The following NRXN1 variants were observed in gnomAD, a reference collection of about 807,000 sequenced individuals.
The protein encoded by NRXN1 is neurexin 1.
NRXN1 carries 39 observed loss-of-function variants against 150.9 expected under a neutral mutation model. The observed-to-expected ratio is 0.26, with a 90% CI of 0.20 to 0.34. NRXN1 has a LOEUF of 0.34. Ranked by LOEUF, NRXN1 falls within the 10% of genes least tolerant of loss-of-function variation. NRXN1 has a pLI of 1.00. For missense variants in NRXN1, 1,815 were observed against 1,949.9 expected (o/e 0.93, Z 1.30); for synonymous variants, 924 against 757.0 (o/e 1.22, Z -3.62).
intron 16 of NRXN1, among the ~76,000 whole-genome samples, chr2:50,469,092 A>C (rs770176693): frequency 2.6e-5 from 4 of 151,632 alleles, no homozygotes; most frequent in Non-Finnish European, 5.9e-5. Context: ...TCTCCAGTAT[A>C]ACAGCATCAG....
intron 17 of NRXN1, among the ~76,000 whole-genome samples, chr2:50,305,286 A>G (rs539475454): frequency 6.6e-6 from 1 of 152,310 alleles, no homozygotes; most frequent in African/African-American, 2.4e-5. Context: ...TTATCCCCGT[A>G]AGGTTTAACC....
At chr2:50,828,839 G>C (rs1186309244) in intron 5 of NRXN1, among the ~76,000 whole-genome samples, 1 of 152,210 alleles carries the variant, frequency 6.6e-6, no homozygotes, top group Non-Finnish European at 1.5e-5. Context: ...CGGCCAGGCA[G>C]AGGCTGCACT....
At chr2:50,202,235 G>A (rs1002431216) in intron 18 of NRXN1, among the ~76,000 whole-genome samples, 14 of 152,272 alleles carry the variant, frequency 9.2e-5, no homozygotes, top group South Asian at 2.1e-4. Flanking sequence ...GGCTGGGCGC[G>A]GTGGCTCACG....
Position 50,777,163 on chromosome 2 carries a change from C to T in NRXN1, c.832+144706G>A, listed in dbSNP as rs1437212742. On this transcript the variant is annotated intron_variant, in intron 5 of 22. Transcript: ENST00000401669. ...TTTTTTAAGTACAGAGAGTAGAAAC[C>T]GAGCTAGTCTTACTAGATTTTATAT... Among the ~76,000 whole-genome samples, 8 of 151,852 alleles carry T rather than the reference C, an allele frequency of 5.3e-5. No homozygotes were observed. The South Asian group carries it at 6.2e-4, about 12-fold the overall frequency.
At chr2:50,791,578 C>T (rs766646904) in intron 5 of NRXN1, among the ~76,000 whole-genome samples, 1 of 152,078 alleles carries the variant, frequency 6.6e-6, no homozygotes, top group South Asian at 2.1e-4. Context: ...TTGCCAAATG[C>T]ACACTGGAGA....
At chr2:50,110,751 C>A (rs2152724612) in intron 18 of NRXN1, among the ~76,000 whole-genome samples, 1 of 152,148 alleles carries the variant, frequency 6.6e-6, no homozygotes, top group East Asian at 1.9e-4. Context: ...AAATAGAATT[C>A]AACAACAGAA....
At chr2:50,959,069 T>G (rs1692729347) in intron 2 of NRXN1, among the ~76,000 whole-genome samples, 2 of 152,120 alleles carry the variant, frequency 1.3e-5, no homozygotes, top group South Asian at 4.1e-4. Flanking sequence ...TGTCTAACTT[T>G]GATGTCAGTA....
chr2:50,514,957 C>A (rs1378746592), intron 12 of NRXN1, among the ~76,000 whole-genome samples: 1 of 152,114 alleles, frequency 6.6e-6, no homozygotes, highest in Non-Finnish European at 1.5e-5. Context: ...CAACTAAAAT[C>A]AATTTTTAAA....
intron 8 of NRXN1, among the ~76,000 whole-genome samples, chr2:50,583,999 T>C (rs963259012): frequency 6.6e-6 from 1 of 152,194 alleles, no homozygotes. Context: ...ATCACAACCA[T>C]GGAATTGACA....
chr2:50,811,733 AC>A (rs1668242201), intron 5 of NRXN1, among the ~76,000 whole-genome samples: 1 of 152,190 alleles, frequency 6.6e-6, no homozygotes, highest in African/African-American at 2.4e-5. Context: ...CTTTGTATAA[AC>A]TTTTATATGA....
At chr2:50,997,799 A>G (rs1699521726) in intron 2 of NRXN1, among the ~76,000 whole-genome samples, 1 of 142,070 alleles carries the variant, frequency 7.0e-6, no homozygotes, top group South Asian at 2.2e-4. Context: ...GTGAGCCATC[A>G]CATCAGCCAC....
intron 5 of NRXN1, chr2:50,917,357 A>G (rs533031390): frequency 6.6e-6 from 1 of 151,908 alleles, no homozygotes; most frequent in South Asian, 2.1e-4. Flanking sequence ...ACAGCAAAAT[A>G]TATTTTAAAA....
At chr2:50,576,416 T>C (rs1671442625) in intron 8 of NRXN1, among the ~76,000 whole-genome samples, 1 of 152,116 alleles carries the variant, frequency 6.6e-6, no homozygotes, top group Admixed American at 6.5e-5. Context: ...ATAATTCCTT[T>C]TTATAGTTGC....
chr2:50,022,198 G>T (rs954943422), intron 21 of NRXN1, among the ~76,000 whole-genome samples: 5 of 152,114 alleles, frequency 3.3e-5, no homozygotes, highest in African/African-American at 1.2e-4. Context: ...TAGCCAGGAT[G>T]ATCTCAATCT....
intron 21 of NRXN1, among the ~76,000 whole-genome samples, chr2:49,952,968 A>G (rs1674245119): frequency 1.3e-5 from 2 of 152,278 alleles, no homozygotes; most frequent in South Asian, 4.1e-4. Context: ...TGATCAACTC[A>G]GTCTTATTGA....
At position 50,368,374 on chromosome 2, in the gene NRXN1, T is replaced by A. The variant is rs1418335174; in HGVS notation, c.3364+97068A>T. 3.9e-5 allele frequency among the ~76,000 whole-genome samples: 6 copies of A among 152,086 alleles called. No homozygotes were observed. In the South Asian group the frequency reaches 8.3e-4, roughly 21 times the overall value. ...TTGAGAAAATAGCATAAGCACAGTA[T>A]GAGGAAGACCTAATTCTATAGTTGT... On this transcript the variant is annotated intron_variant, in intron 17 of 22. Coordinates refer to ENST00000401669, the MANE Select transcript of NRXN1 (RefSeq NM_001330078.2).
At chr2:50,214,660 T>C (rs1355853655) in intron 18 of NRXN1, among the ~76,000 whole-genome samples, 1 of 151,996 alleles carries the variant, frequency 6.6e-6, no homozygotes. Flanking sequence ...ACTTCTGATT[T>C]TTCTAAGGAG....
chr2:49,995,157 G>T (rs1044399391), intron 21 of NRXN1, among the ~76,000 whole-genome samples: 2 of 152,210 alleles, frequency 1.3e-5, no homozygotes, highest in African/African-American at 4.8e-5. Context: ...TGTCAAATCT[G>T]TAGAGTCAAG....
At chr2:50,784,411 T>A (rs530629685) in intron 5 of NRXN1, among the ~76,000 whole-genome samples, 1 of 151,988 alleles carries the variant, frequency 6.6e-6, no homozygotes, top group East Asian at 1.9e-4. Flanking sequence ...GTAGAAGCAA[T>A]GAATGCATAG....
Sources: allele counts gnomAD v4.1 joint callset (sites outside exome capture counted in the v4.1 genomes callset), GRCh38; gene constraint gnomAD v4.1.1; transcripts MANE v1.5; gene names NCBI Gene and HGNC (gene_info 2026-07-23, HGNC 2026-07-21).